FGL1: variants seen among roughly 807,000 people sequenced by gnomAD.
FGL1 encodes fibrinogen like 1, also known as fibrinogen-like protein 1.
A neutral mutation model predicts 43.7 loss-of-function variants in FGL1; 59 were observed. That is an observed-to-expected ratio of 1.35 (90% CI 1.10 to 1.68). The LOEUF is 1.68. Among genes scored for constraint, FGL1 ranks in the 40% most tolerant of loss-of-function variants. The pLI is 0.00. For missense variants in FGL1, 596 were observed against 373.0 expected, an observed-to-expected ratio of 1.60 and a Z score of -4.92; for synonymous variants, 192 against 126.5, an observed-to-expected ratio of 1.52 and a Z score of -3.48.
At position 17,882,546 on chromosome 8, in the gene FGL1, T is replaced by C. The variant is rs190952456; in HGVS notation, c.64-367A>G. 6.2e-3 allele frequency: 1,004 copies of C among 162,362 alleles called. 9 individuals carry two copies. The highest frequency in any genetic ancestry group is 0.023 in the African/African-American group (948 of 41,668). The allele number at this position is 162,362 out of a possible 1,614,324, so 10.1% of individuals were successfully genotyped here. ...GGATTCAAATTCAGTTCAAGGACTG[T>C]GCTCTCAATCTCTATATGACATTGC... is the stretch of plus-strand genomic sequence containing the variant. On this transcript the variant is annotated intron_variant, in intron 2 of 7. Transcript: ENST00000427924.
At chr8:17,875,675 G>T (rs1416049995) in intron 3 of FGL1, among the ~76,000 whole-genome samples, 1 of 151,276 alleles carries the variant, frequency 6.6e-6, no homozygotes, top group Non-Finnish European at 1.5e-5. Flanking sequence ...TGCTATTTCG[G>T]CTCACTACAA....
At chr8:17,892,951 G>A (rs2053725899) in intron 1 of FGL1, among the ~76,000 whole-genome samples, 2 of 152,208 alleles carry the variant, frequency 1.3e-5, no homozygotes, top group African/African-American at 2.4e-5. Flanking sequence ...TGTAATCCCA[G>A]CACGTTGAGA....
intron 3 of FGL1, among the ~76,000 whole-genome samples, chr8:17,875,442 A>T (rs1183320062): frequency 1.3e-5 from 2 of 151,970 alleles, no homozygotes; most frequent in Non-Finnish European, 2.9e-5. Context: ...TGAACACTGA[A>T]GCAAATGTAG....
At position 17,868,691 on chromosome 8, in the gene FGL1, T is replaced by A; in HGVS notation, c.636A>T (p.Gly212=). Residue 212 remains glycine, a synonymous_variant, in exon 7 of 8, where the codon GGA becomes GGT. Transcript: ENST00000427924. ...LNIGEYSGTA[G]DSLAGNFHPE... ...GATGAAAATTCCCCGCAAGGGAATC[T>A]CCAGCTGTTCCAGAATATTCCCCAA... is the stretch of plus-strand genomic sequence containing the variant. 1 of 1,613,620 alleles carries A rather than the reference T, an allele frequency of 6.2e-7. No homozygotes were observed. The highest frequency in any genetic ancestry group is 8.5e-7 in the Non-Finnish European group (1 of 1,179,878).
chr8:17,881,378 GC>G (rs2053533167), intron 3 of FGL1, among the ~76,000 whole-genome samples: 1 of 151,412 alleles, frequency 6.6e-6, no homozygotes, highest in Non-Finnish European at 1.5e-5. Context: ...CTTGTAATCC[GC>G]CCACCTAGGC....
At chr8:17,874,917 G>C (rs966118608) in intron 3 of FGL1, among the ~76,000 whole-genome samples, 3 of 57,106 alleles carry the variant, frequency 5.3e-5, no homozygotes, top group East Asian at 3.6e-4. Flanking sequence ...TGGGATTACA[G>C]GTGTGAGCTT....
intron 3 of FGL1, among the ~76,000 whole-genome samples, chr8:17,878,111 C>G (rs1387082252): frequency 2.0e-5 from 3 of 152,028 alleles, no homozygotes; most frequent in African/African-American, 7.3e-5. Flanking sequence ...CATGCACCAC[C>G]AAGCCTGGCA....
chr8:17,882,068 C>T lies in FGL1; in HGVS notation c.175G>A (p.Glu59Lys), dbSNP rs538052113. The stretch of plus-strand genomic sequence containing the variant: ...TCTCCTTTATCAAGGAACTGGACTT[C>T]ATTCTCCTGCAAAAGCTGCTTGATC... ...VKIKQLLQEN[E>K]VQFLDKGDEN... Residue 59 changes from glutamate (E) to lysine (K), a missense_variant, in exon 3 of 8, where the codon GAA becomes AAA. Physicochemically the swap from Glu to Lys is moderately conservative, Grantham distance 56. Coordinates refer to ENST00000427924, the MANE Select transcript of FGL1 (RefSeq NM_004467.4). 1.2e-6 allele frequency: 2 copies of T among 1,614,056 alleles called. No individual in the cohort carries two copies. The highest frequency in any genetic ancestry group is 2.7e-5 in the African/African-American group (2 of 75,026).
intron 3 of FGL1, among the ~76,000 whole-genome samples, chr8:17,877,544 C>T (rs1247092631): frequency 1.3e-5 from 2 of 152,012 alleles, no homozygotes; most frequent in African/African-American, 4.8e-5. Context: ...AGCTGCCACT[C>T]CCCAGAGCAT....
chr8:17,874,481 T>G lies in FGL1; in HGVS notation c.285A>C (p.Gly95=), dbSNP rs150575793. 3.1e-6 allele frequency: 5 copies of G among 1,613,860 alleles called. No homozygotes were observed. Among genetic ancestry groups the G allele is most frequent in the Non-Finnish European group, 4.2e-6 (5 of 1,179,968 alleles). ...EIFNDGYKLS[G]FYKIKPLQSP... is the part of the protein sequence containing the mutation. ...TCTGGAGAGGTTTGATTTTGTAAAATCCACTGAGCTTATACCCATCATTGA... is the reference window on the plus strand; with the variant it reads ...TCTGGAGAGGTTTGATTTTGTAAAAGCCACTGAGCTTATACCCATCATTGA... Residue 95 remains glycine (G), a synonymous_variant, in exon 4 of 8, where the codon GGA becomes GGC. Coordinates refer to ENST00000427924, the MANE Select transcript of FGL1 (RefSeq NM_004467.4).
In FGL1 at chr8:17,880,703, T is replaced by A. The variant is rs370238111; in HGVS notation, c.244+1296A>T. Among the ~76,000 whole-genome samples, 23 of 152,332 alleles carry A rather than the reference T, an allele frequency of 1.5e-4. No homozygotes were observed. In the East Asian group the frequency reaches 3.5e-3, roughly 23 times the overall value. ...CAGAAATTACAATGTAGCATGGTAGTGCTAGAATAGACATATGGACAAAGT... is the reference window on the plus strand; with the variant it reads ...CAGAAATTACAATGTAGCATGGTAGAGCTAGAATAGACATATGGACAAAGT... On this transcript the variant is annotated intron_variant, in intron 3 of 7. Coordinates refer to ENST00000427924, the MANE Select transcript of FGL1 (RefSeq NM_004467.4).
chr8:17,882,940 T>G (rs1208463357), intron 2 of FGL1, among the ~76,000 whole-genome samples: 1 of 102,948 alleles, frequency 9.7e-6, no homozygotes, highest in East Asian at 2.6e-4. Context: ...TATAATATAT[T>G]AAATAATATA....
At chr8:17,894,696 A>G (rs1010256341) in intron 1 of FGL1, among the ~76,000 whole-genome samples, 2 of 146,844 alleles carry the variant, frequency 1.4e-5, no homozygotes, top group Non-Finnish European at 3.0e-5. Context: ...AAAAACCAAC[A>G]AACAAACGAC....
intron 7 of FGL1, among the ~76,000 whole-genome samples, chr8:17,865,250 C>A (rs778543669): frequency 6.6e-6 from 1 of 152,174 alleles, no homozygotes. Flanking sequence ...TAACCTCCAG[C>A]CTTACAACCT....
At position 17,894,052 on chromosome 8, in the gene FGL1, TA is replaced by T. The variant is rs200222496; in HGVS notation, c.-18+1394del. Among the ~76,000 whole-genome samples, 31 of 146,364 alleles carry T rather than the reference TA, an allele frequency of 2.1e-4. No homozygotes were observed. In the East Asian group the frequency reaches 5.0e-3, roughly 24 times the overall value. On this transcript the variant is annotated intron_variant, in intron 1 of 7. Transcript: ENST00000427924. ...ATTCTAATTCCTTCCCCACTATATT[TA>T]AAAAAAATTTAATTAATTACGCTGC...
intron 3 of FGL1, among the ~76,000 whole-genome samples, chr8:17,878,456 A>G (rs1004029330): frequency 6.6e-6 from 1 of 152,128 alleles, no homozygotes; most frequent in South Asian, 2.1e-4. Context: ...GCCTCAAGAC[A>G]CTCACATGCA....
chr8:17,881,649 T>G (rs1489165071), intron 3 of FGL1, among the ~76,000 whole-genome samples: 1 of 150,442 alleles, frequency 6.6e-6, no homozygotes, highest in Non-Finnish European at 1.5e-5. Flanking sequence ...CTGGCTAACA[T>G]GGTGAAACCC....
chr8:17,872,302 T>TTTATTATTATTATTGTTATTA (rs2053375333), intron 5 of FGL1, among the ~76,000 whole-genome samples: 2 of 146,798 alleles, frequency 1.4e-5, no homozygotes, highest in African/African-American at 5.1e-5. Flanking sequence ...TCTTAATTAC[T>TTTATTATTATTATTGTTATTA]TTATTATTAT....
chr8:17,864,808 A>T, intron 7 of FGL1, 57 bp from the exon 8 acceptor site: 1 of 1,325,028 alleles, frequency 7.5e-7, no homozygotes. Flanking sequence ...AATATTGTTC[A>T]GAATCCCTTT....
Sources: allele counts gnomAD v4.1 joint callset (sites outside exome capture counted in the v4.1 genomes callset), GRCh38; gene constraint gnomAD v4.1.1; transcripts MANE v1.5; gene names NCBI Gene and HGNC (gene_info 2026-07-23, HGNC 2026-07-21).